CDYL2: variants seen among roughly 807,000 people sequenced by gnomAD.
CDYL2 encodes chromodomain Y-like protein 2.
In CDYL2, 23 loss-of-function variants were observed where a neutral mutation model predicts 49.4. The observed-to-expected ratio is 0.47, with a 90% CI of 0.34 to 0.66. CDYL2 has a LOEUF of 0.66. Ranked by LOEUF, CDYL2 falls within the 30% of genes least tolerant of loss-of-function variation. CDYL2 has a pLI of 0.01. For synonymous variants in CDYL2, 360 were observed against 268.8 expected (o/e 1.34, Z -3.32); for missense variants, 678 against 656.4 (o/e 1.03, Z -0.36).
At chr16:80,740,918 A>G in intron 1 of CDYL2, among the ~76,000 whole-genome samples, 1 of 151,820 alleles carries the variant, frequency 6.6e-6, no homozygotes, top group East Asian at 1.9e-4. Context: ...TACTATAAAC[A>G]TGTTAATTTT....
At chr16:80,668,794 G>A (rs1408574324) in intron 2 of CDYL2, among the ~76,000 whole-genome samples, 1 of 151,968 alleles carries the variant, frequency 6.6e-6, no homozygotes, top group Non-Finnish European at 1.5e-5. Flanking sequence ...AGCTACTCAG[G>A]AGGCTGAGGC....
At chr16:80,740,473 A>C (rs141969871) in intron 1 of CDYL2, among the ~76,000 whole-genome samples, 4 of 152,216 alleles carry the variant, frequency 2.6e-5, no homozygotes, top group African/African-American at 9.6e-5. Context: ...TTAAAAATTC[A>C]AGCCTGACAT....
intron 2 of CDYL2, among the ~76,000 whole-genome samples, chr16:80,646,290 TTAAC>T (rs937776289): frequency 6.6e-6 from 1 of 151,640 alleles, no homozygotes; most frequent in Non-Finnish European, 1.5e-5. Flanking sequence ...TACAAAAAAA[TTAAC>T]AAACAATAAA....
intron 1 of CDYL2, among the ~76,000 whole-genome samples, chr16:80,787,102 A>G (rs894679429): frequency 8.5e-5 from 13 of 152,130 alleles, no homozygotes; most frequent in African/African-American, 1.2e-4. Context: ...AGAAAGTGAC[A>G]TGCTCAGAAT....
intron 4 of CDYL2, among the ~76,000 whole-genome samples, chr16:80,617,279 C>T (rs138128126): frequency 1.7e-3 from 254 of 152,286 alleles, no homozygotes; most frequent in African/African-American, 5.2e-3. Flanking sequence ...CAAGGCCATG[C>T]GGCATGCCTG....
At chr16:80,716,198 C>T (rs1209297708) in intron 1 of CDYL2, among the ~76,000 whole-genome samples, 2 of 152,254 alleles carry the variant, frequency 1.3e-5, no homozygotes, top group Non-Finnish European at 2.9e-5. Flanking sequence ...CAAAGAGAAG[C>T]CTCCTCTGTG....
rs553190097 is a variant in CDYL2, at chr16:80,713,555, G to A, written c.25-28426C>T. ...AAAGATTCCTCGGTGGGGGATGACC[G>A]GCCTCAACACAATCTTCTCTACCAT... On this transcript the variant is annotated intron_variant, in intron 1 of 6. Transcript: ENST00000570137. Among the ~76,000 whole-genome samples the A allele has an allele frequency of 7.9e-5, 12 of 152,158 alleles. No homozygotes were observed. In the East Asian group the frequency reaches 9.7e-4, roughly 12 times the overall value.
chr16:80,606,784 T>A (rs1178036124), intron 6 of CDYL2, among the ~76,000 whole-genome samples: 1 of 152,188 alleles, frequency 6.6e-6, no homozygotes, highest in African/African-American at 2.4e-5. Flanking sequence ...ACTGTTCTCC[T>A]GGTAGTGAAG....
intron 2 of CDYL2, among the ~76,000 whole-genome samples, chr16:80,669,474 G>A (rs578026598): frequency 7.9e-5 from 12 of 151,904 alleles, no homozygotes; most frequent in East Asian, 5.8e-4. Context: ...ACAAGGAGCC[G>A]CGTCAAGCAG....
At chr16:80,634,211 G>T (rs1455115358) in intron 2 of CDYL2, among the ~76,000 whole-genome samples, 1 of 152,138 alleles carries the variant, frequency 6.6e-6, no homozygotes, top group Non-Finnish European at 1.5e-5. Flanking sequence ...GTTTACTGCG[G>T]CACTATTCAC....
intron 3 of CDYL2, among the ~76,000 whole-genome samples, chr16:80,624,940 G>C (rs938887789): frequency 1.3e-5 from 2 of 152,130 alleles, no homozygotes; most frequent in Non-Finnish European, 2.9e-5. Context: ...AGAGATTAAA[G>C]ACAAGAATGC....
chr16:80,715,297 G>T (rs1904759018), intron 1 of CDYL2, among the ~76,000 whole-genome samples: 1 of 152,096 alleles, frequency 6.6e-6, no homozygotes, highest in Non-Finnish European at 1.5e-5. Flanking sequence ...ATCCTTGTGG[G>T]ACCCGGAGTC....
intron 1 of CDYL2, among the ~76,000 whole-genome samples, chr16:80,730,611 C>A (rs554789252): frequency 1.3e-5 from 2 of 152,140 alleles, no homozygotes; most frequent in African/African-American, 4.8e-5. Flanking sequence ...ATGAGGCCAG[C>A]ATCATCCTGA....
chr16:80,733,964 C>G (rs1349062254), intron 1 of CDYL2, among the ~76,000 whole-genome samples: 1 of 152,192 alleles, frequency 6.6e-6, no homozygotes, highest in Non-Finnish European at 1.5e-5. Context: ...GCAAGACCCA[C>G]AAGGCCTTTC....
chr16:80,697,353 A>G (rs1162257152), intron 1 of CDYL2, among the ~76,000 whole-genome samples: 1 of 152,202 alleles, frequency 6.6e-6, no homozygotes. Flanking sequence ...CAGAGAAAGC[A>G]TTTAATAAAA....
chr16:80,670,046 T>A (rs1909436338), intron 2 of CDYL2, among the ~76,000 whole-genome samples: 1 of 152,220 alleles, frequency 6.6e-6, no homozygotes, highest in Non-Finnish European at 1.5e-5. Context: ...AACAACCTCA[T>A]CAAGTAGCTC....
Position 80,632,937 on chromosome 16 carries a change from G to A in CDYL2, c.834+82C>T, listed in dbSNP as rs1192021386. On this transcript the variant is annotated intron_variant, in intron 3 of 6. Transcript: ENST00000570137. ...TACCATCCTCAGCTCCCTGATGGAA[G>A]GAAGGAGAAAGCCAATATTCCATTC... The A allele has an allele frequency of 8.0e-6, 11 of 1,372,460 alleles. No homozygotes were observed. In the South Asian group the frequency reaches 1.1e-4, roughly 14 times the overall value. The allele number at this position is 1,372,460 out of a possible 1,614,324, so 85.0% of individuals were successfully genotyped here. A position where few individuals can be genotyped will look rare whatever the true frequency, so the allele number is the denominator to read the frequency against.
intron 2 of CDYL2, among the ~76,000 whole-genome samples, chr16:80,654,564 C>T: frequency 6.6e-6 from 1 of 152,192 alleles, no homozygotes; most frequent in East Asian, 1.9e-4. Flanking sequence ...ACAGGAATTG[C>T]CCCTCTGCAT....
rs183194590 is a variant in CDYL2 at position 80,651,717 on chromosome 16, C to T, written c.617-18481G>A. ...TGAAGGGGTTACGGAAATATGGTGC[C>T]GACATAAATAACTTTAGAAATGAGC... On this transcript the variant is annotated intron_variant, in intron 2 of 6. Transcript: ENST00000570137. Among the ~76,000 whole-genome samples the T allele has an allele frequency of 3.0e-3, 463 of 152,082 alleles. 4 individuals carry two copies. Among genetic ancestry groups the T allele is most frequent in the African/African-American group, 0.011 (448 of 41,478 alleles).
Sources: allele counts gnomAD v4.1 joint callset (sites outside exome capture counted in the v4.1 genomes callset), GRCh38; gene constraint gnomAD v4.1.1; transcripts MANE v1.5; gene names NCBI Gene and HGNC (gene_info 2026-07-23, HGNC 2026-07-21).